COCH: variants seen among roughly 807,000 people sequenced by gnomAD.
COCH encodes the protein cochlin, also known as coagulation factor C homolog, cochlin (Limulus polyphemus).
A neutral mutation model predicts 54.8 loss-of-function variants in COCH; 40 were observed. The ratio of observed to expected loss-of-function variants is 0.73; its 90% confidence interval spans 0.57 to 0.95. The LOEUF (loss-of-function observed/expected upper bound fraction) is 0.95, where lower values mean the gene tolerates loss of function less well. Among genes scored for constraint, COCH ranks in the 40% least tolerant of loss-of-function variants. COCH has a pLI of 0.00. For missense variants in COCH, 605 were observed against 675.0 expected (o/e 0.90, Z 1.15); for synonymous variants, 256 against 237.9 (o/e 1.08, Z -0.70).
chr14:30,879,393 A>G, intron 5 of COCH, 30 bp from the exon 6 acceptor site: 1 of 1,610,648 alleles, frequency 6.2e-7, no homozygotes, highest in Non-Finnish European at 8.5e-7. Context: ...AAGGAAAAGG[A>G]AAAAAATAAG....
intron 4 of COCH, among the ~76,000 whole-genome samples, 167 bp from the exon 5 acceptor site, chr14:30,878,644 G>A (rs555486599): frequency 7.4e-4 from 112 of 152,286 alleles, no homozygotes; most frequent in East Asian, 7.7e-4. Flanking sequence ...GCTACAGAGC[G>A]AGACGCCATC....
At position 30,877,735 on chromosome 14, in the gene COCH, C is replaced by G. The variant is rs377273539; in HGVS notation, c.239+7C>G. On this transcript the variant is annotated splice_region_variant and intron_variant, in intron 4 of 11. Transcript: ENST00000396618. This position sits in a 1 kb window ranked among gnomAD's most constrained non-coding sequence, Gnocchi z 8.6. Reference sequence around the variant, plus strand: ...GTGGGGCTGCTGTCCACAGGTAAGCCCAAACACACCAGGGTGGGAGAGAAA... The same window carrying G: ...GTGGGGCTGCTGTCCACAGGTAAGCGCAAACACACCAGGGTGGGAGAGAAA... 10 of 1,613,970 alleles carry G rather than the reference C, an allele frequency of 6.2e-6. No homozygotes were observed. The African/African-American group carries it at 1.1e-4, about 17-fold the overall frequency.
chr14:30,895,299 C>A, downstream of COCH: 2 of 1,128,192 alleles, frequency 1.8e-6, no homozygotes, highest in Non-Finnish European at 2.4e-6. Context: ...CCCCAGATAG[C>A]CTTCACCAGG....
chr14:30,889,357 A>G, intron 11 of COCH: 1 of 453,578 alleles, frequency 2.2e-6, no homozygotes, highest in East Asian at 4.4e-5. Context: ...AACTTTATCA[A>G]ATTATTTCTT....
chr14:30,892,022 T>C (rs959210417), downstream of COCH, among the ~76,000 whole-genome samples: 4 of 152,172 alleles, frequency 2.6e-5, no homozygotes, highest in African/African-American at 9.6e-5. Context: ...TAGTTTGAAA[T>C]AATGAGAAAA....
In COCH at chr14:30,890,297, A is replaced by G; in HGVS notation, c.*506A>G. On this transcript the variant is annotated 3_prime_UTR_variant, in exon 12 of 12. Coordinates refer to ENST00000396618, the MANE Select transcript of COCH (RefSeq NM_004086.3). Reference sequence around the variant, plus strand: ...ATCAATAATAGCTAGCTATTACTGCAGACTATAAAATCTGGATATAGAAAG... The same window carrying G: ...ATCAATAATAGCTAGCTATTACTGCGGACTATAAAATCTGGATATAGAAAG... 1.0e-6 allele frequency: 1 copy of G among 984,812 alleles called. No individual in the cohort carries two copies. The highest frequency in any genetic ancestry group is 1.2e-6 in the Non-Finnish European group (1 of 829,240). The allele number at this position is 984,812 out of a possible 1,614,324, so 61.0% of individuals were successfully genotyped here.
downstream of COCH, chr14:30,895,374 C>A: frequency 6.4e-7 from 1 of 1,562,658 alleles, no homozygotes; most frequent in Non-Finnish European, 8.7e-7. Flanking sequence ...CTCTTTCTGT[C>A]CAAGCAAATC....
chr14:30,891,056 TAA>T (rs1228175255), downstream of COCH, among the ~76,000 whole-genome samples: 27 of 146,426 alleles, frequency 1.8e-4, no homozygotes, highest in African/African-American at 6.8e-4. Context: ...AAAAAAAAAA[TAA>T]AAAGACACAA....
intron 8 of COCH, among the ~76,000 whole-genome samples, chr14:30,882,204 A>G (rs906757002): frequency 8.1e-6 from 1 of 123,386 alleles, no homozygotes; most frequent in African/African-American, 3.1e-5. Context: ...ATCTTTGTTC[A>G]CTACAACCTC....
At chr14:30,878,233 G>A (rs1284256079) in intron 4 of COCH, among the ~76,000 whole-genome samples, 1 of 152,194 alleles carries the variant, frequency 6.6e-6, no homozygotes, top group Non-Finnish European at 1.5e-5. Context: ...TAGGAAAATT[G>A]TTTGGTGCTC....
In COCH at chr14:30,886,374, T is replaced by C. The variant is rs1287231949; in HGVS notation, c.1477+62T>C. 5 of 1,565,244 alleles carry C rather than the reference T, an allele frequency of 3.2e-6. No homozygotes were observed. In the African/African-American group the frequency reaches 5.4e-5, roughly 17 times the overall value. The stretch of plus-strand genomic sequence containing the variant: ...AAAAACGGTTCAGTGAATTTAGGAG[T>C]AAATAAAAATTTAAGCATTTATTTC... On this transcript the variant is annotated intron_variant, in intron 11 of 11. Coordinates refer to ENST00000396618, the MANE Select transcript of COCH (RefSeq NM_004086.3).
chr14:30,878,267 G>A (rs1311867956), intron 4 of COCH, among the ~76,000 whole-genome samples: 1 of 152,200 alleles, frequency 6.6e-6, no homozygotes, highest in Non-Finnish European at 1.5e-5. Flanking sequence ...TGTGGGTAAT[G>A]GGATATTACA....
chr14:30,881,223 A>C lies in COCH; in HGVS notation c.629+489A>C, dbSNP rs972892271. On this transcript the variant is annotated intron_variant, in intron 8 of 11. Coordinates refer to ENST00000396618, the MANE Select transcript of COCH (RefSeq NM_004086.3). ...GTGAGACTATGTCTCAAAAAAAAAA[A>C]AAAAAAAGAAAAAAATCAAATGAGA... is the stretch of plus-strand genomic sequence containing the variant. Among the ~76,000 whole-genome samples the C allele has an allele frequency of 3.9e-5, 6 of 151,940 alleles. No individual in the cohort carries two copies. The East Asian group carries it at 1.2e-3, about 29-fold the overall frequency.
Position 30,877,563 on chromosome 14 carries a change from T to G in COCH, c.83-9T>G. 1.2e-6 allele frequency: 2 copies of G among 1,614,068 alleles called. No homozygotes were observed. Among genetic ancestry groups the G allele is most frequent in the Non-Finnish European group, 1.7e-6 (2 of 1,180,032 alleles). ...AGAATGCTTACAATATTATCTCCTT[T>G]TTCTTCAGCTCCCATTGCTATCACA... is the stretch of plus-strand genomic sequence containing the variant. On this transcript the variant is annotated splice_polypyrimidine_tract_variant and intron_variant, in intron 3 of 11. Transcript: ENST00000396618. This position sits in a 1 kb window ranked among gnomAD's most constrained non-coding sequence, Gnocchi z 8.6.
chr14:30,890,725 A>G (rs1895954231), downstream of COCH: 1 of 308,446 alleles, frequency 3.2e-6, no homozygotes, highest in South Asian at 1.3e-4. Context: ...AATACCAAGA[A>G]TATTTTTTCT....
chr14:30,892,823 AAC>A (rs1248182078), downstream of COCH, among the ~76,000 whole-genome samples: 11 of 142,702 alleles, frequency 7.7e-5, no homozygotes, highest in African/African-American at 2.8e-4. Context: ...AAAAAAAAAA[AAC>A]AAAAAACTTG....
intron 8 of COCH, 66 bp downstream of exon 8, chr14:30,880,800 A>G: frequency 1.7e-6 from 2 of 1,145,014 alleles, no homozygotes; most frequent in Non-Finnish European, 2.6e-6. Flanking sequence ...CATAATAATT[A>G]TATATACTTA....
chr14:30,894,949 C>G (rs528157875), downstream of COCH: 14 of 1,073,554 alleles, frequency 1.3e-5, no homozygotes, highest in Non-Finnish European at 1.6e-5. Context: ...GGCATTCAAC[C>G]GATAAACAGA....
chr14:30,895,424 T>C (rs760127987), downstream of COCH: 29 of 1,603,584 alleles, frequency 1.8e-5, no homozygotes, highest in South Asian at 1.4e-4. Context: ...TACAAATACT[T>C]TGGCAAGAGC....
Sources: allele counts gnomAD v4.1 joint callset (sites outside exome capture counted in the v4.1 genomes callset), GRCh38; gene constraint gnomAD v4.1.1; non-coding constraint Gnocchi (gnomAD v3.1); transcripts MANE v1.5; gene names NCBI Gene and HGNC (gene_info 2026-07-23, HGNC 2026-07-21).